Variants in TSHZ3 observed in about 807,000 individuals in gnomAD.
The protein encoded by TSHZ3 is teashirt zinc finger homeobox 3.
In TSHZ3, 10 loss-of-function variants were observed where a neutral mutation model predicts 64.5. The ratio of observed to expected loss-of-function variants is 0.16; its 90% CI spans 0.10 to 0.26. The LOEUF (loss-of-function observed/expected upper bound fraction) is 0.26. Ranked by LOEUF, TSHZ3 falls within the 10% of genes least tolerant of loss-of-function variation. TSHZ3 has a pLI of 1.00. For synonymous variants in TSHZ3, 608 were observed against 593.1 expected, an observed-to-expected ratio of 1.03 and a Z score of -0.36; for missense variants, 1,242 against 1,421.7, an observed-to-expected ratio of 0.87 and a Z score of 2.03.
rs1234712743 is a variant in TSHZ3, at chr19:31,280,442, A to G, written c.41-690T>C. ...GGGTTCGTTCCAGTTGAGAGGAAAT[A>G]CCCTGACCAGCTACCACCCAGCCCC... On this transcript the variant is annotated intron_variant, in intron 1 of 1. Coordinates refer to ENST00000240587, the MANE Select transcript of TSHZ3 (RefSeq NM_020856.4). 3.9e-5 allele frequency among the ~76,000 whole-genome samples: 6 copies of G among 151,980 alleles called. No individual in the cohort carries two copies. In the South Asian group the frequency reaches 1.2e-3, roughly 32 times the overall value.
intron 5 of TSHZ3, among the ~76,000 whole-genome samples, chr19:31,199,630 G>A (rs369908288): frequency 1.3e-5 from 2 of 149,680 alleles, no homozygotes; most frequent in Admixed American, 6.7e-5. Context: ...GATACCACAG[G>A]AGAAAATCGA....
At chr19:31,349,603 C>CT (rs2021642619), upstream of TSHZ3, 1 of 123,422 alleles carries the variant, frequency 8.1e-6, no homozygotes, top group Non-Finnish European at 1.7e-5. Flanking sequence ...AGCGGCGGCC[C>CT]TGCCCCCCCC....
chr19:31,236,673 A>G (rs1257471742), intron 3 of TSHZ3, among the ~76,000 whole-genome samples: 1 of 152,230 alleles, frequency 6.6e-6, no homozygotes, highest in African/African-American at 2.4e-5. Context: ...TAAACTAAAA[A>G]TGAATTAAAG....
intron 5 of TSHZ3, among the ~76,000 whole-genome samples, chr19:31,192,639 C>CT (rs1974927931): frequency 6.6e-6 from 1 of 152,136 alleles, no homozygotes; most frequent in South Asian, 2.1e-4. Context: ...TATCATCCAA[C>CT]ATTGTTTTGG....
intron 5 of TSHZ3, among the ~76,000 whole-genome samples, chr19:31,156,635 C>T (rs1220374538): frequency 6.6e-6 from 1 of 152,112 alleles, no homozygotes; most frequent in Non-Finnish European, 1.5e-5. Flanking sequence ...TGTTATAAGA[C>T]CAGGAAATTG....
intron 1 of TSHZ3, among the ~76,000 whole-genome samples, chr19:31,290,902 A>G (rs2145129515): frequency 6.6e-6 from 1 of 152,232 alleles, no homozygotes; most frequent in Non-Finnish European, 1.5e-5. Context: ...CCCACTAGCA[A>G]GGTCAGGAAT....
intron 1 of TSHZ3, among the ~76,000 whole-genome samples, chr19:31,338,627 A>G (rs1917327603): frequency 6.9e-6 from 1 of 144,440 alleles, no homozygotes; most frequent in Non-Finnish European, 1.5e-5. Flanking sequence ...AAAAAATCAG[A>G]CAAGGGTTCT....
At chr19:31,345,957 A>T (rs2145203367) in intron 1 of TSHZ3, among the ~76,000 whole-genome samples, 1 of 152,192 alleles carries the variant, frequency 6.6e-6, no homozygotes, top group East Asian at 1.9e-4. Context: ...GCACAAATGC[A>T]CACCCCCTGG....
chr19:31,279,054 C>T lies in TSHZ3; in HGVS notation c.739G>A (p.Asp247Asn), dbSNP rs143883315. Residue 247 changes from aspartate (D) to asparagine (N), a missense_variant, in exon 2 of 2, where the codon GAT becomes AAT. Physicochemically the swap from Asp to Asn is conservative, Grantham distance 23 (BLOSUM62 1). Transcript: ENST00000240587. The surrounding 1 kb of genome is among the most constrained non-coding windows in gnomAD (Gnocchi z 6.4). ...GHYRDDNHET[D>N]NNNPKRWSKP... ...GACCAGCGCTTGGGGTTGTTGTTAT[C>T]GGTCTCATGGTTGTCGTCGCGGTAA... is the stretch of plus-strand genomic sequence containing the variant. 1.2e-5 allele frequency: 19 copies of T among 1,613,952 alleles called. No individual in the cohort carries two copies. Among genetic ancestry groups the T allele is most frequent in the East Asian group, 2.2e-5 (1 of 44,870 alleles).
At chr19:31,152,283 C>CGTGTGTGTGTGT (rs3064806) in intron 6 of TSHZ3, among the ~76,000 whole-genome samples, 1 of 147,300 alleles carries the variant, frequency 6.8e-6, no homozygotes, top group Non-Finnish European at 1.5e-5. Context: ...TATATGTGAG[C>CGTGTGTGTGTGT]GTGTGTGTGT....
rs556650300 is a variant in TSHZ3 at position 31,335,886 on chromosome 19, C to T, written c.40+13294G>A. Among the ~76,000 whole-genome samples, 102 of 152,350 alleles carry T rather than the reference C, an allele frequency of 6.7e-4. 1 individual carries two copies. The highest frequency in any genetic ancestry group is 3.4e-3 in the Middle Eastern group (1 of 294). On this transcript the variant is annotated intron_variant, in intron 1 of 1. Coordinates refer to ENST00000240587, the MANE Select transcript of TSHZ3 (RefSeq NM_020856.4). ...ACGTCACACCATGAGGTGCAGCCACCTGAGATTCCTCTGGGACTCTTGGCA... is the reference window on the plus strand; with the variant it reads ...ACGTCACACCATGAGGTGCAGCCACTTGAGATTCCTCTGGGACTCTTGGCA...
exon 7 of TSHZ3, among the ~76,000 whole-genome samples, chr19:31,150,699 G>C (rs915454219): frequency 1.3e-5 from 2 of 152,160 alleles, no homozygotes; most frequent in Admixed American, 6.5e-5. Flanking sequence ...GGGCCCTGCT[G>C]TTTGGTAAAA....
At position 31,278,202 on chromosome 19, in the gene TSHZ3, T is replaced by C; in HGVS notation, c.1591A>G (p.Thr531Ala). The C allele has an allele frequency of 3.1e-6, 5 of 1,614,172 alleles. No homozygotes were observed. The highest frequency in any genetic ancestry group is 4.2e-6 in the Non-Finnish European group (5 of 1,180,010). ...DILKSLENTV[T>A]SAINKAQNGT... Reference sequence around the variant, plus strand: ...TTCTGGGCCTTGTTGATTGCGGATGTCACTGTGTTTTCCAAGGATTTGAGG... The same window carrying C: ...TTCTGGGCCTTGTTGATTGCGGATGCCACTGTGTTTTCCAAGGATTTGAGG... Residue 531 changes from threonine to alanine, a missense_variant, in exon 2 of 2, where the codon ACA becomes GCA. Thr to Ala is a moderately conservative substitution (Grantham distance 58, BLOSUM62 0). Around this residue, in one of 4 missense-constraint regions of TSHZ3, gnomAD observed 555 missense variants for 704.0 expected, o/e 0.79. Transcript: ENST00000240587. This position sits in a 1 kb window ranked among gnomAD's most constrained non-coding sequence, Gnocchi z 4.7.
chr19:31,334,941 C>T (rs2145187757), intron 1 of TSHZ3, among the ~76,000 whole-genome samples: 1 of 152,268 alleles, frequency 6.6e-6, no homozygotes, highest in Middle Eastern at 3.4e-3. Flanking sequence ...CCTGCCCTCT[C>T]TCTGTCATGT....
intron 5 of TSHZ3, among the ~76,000 whole-genome samples, chr19:31,190,729 T>C (rs1974891566): frequency 6.6e-6 from 1 of 152,106 alleles, no homozygotes; most frequent in South Asian, 2.1e-4. Context: ...AGAAATCGAC[T>C]CTGAAATGAC....
intron 4 of TSHZ3, among the ~76,000 whole-genome samples, chr19:31,216,323 T>C (rs1975328763): frequency 6.6e-6 from 1 of 152,276 alleles, no homozygotes; most frequent in Non-Finnish European, 1.5e-5. Context: ...GCTCCTGGCC[T>C]CATGAAGACA....
intron 1 of TSHZ3, among the ~76,000 whole-genome samples, chr19:31,342,798 A>T (rs1401476184): frequency 6.6e-6 from 1 of 152,202 alleles, no homozygotes; most frequent in African/African-American, 2.4e-5. Flanking sequence ...CCATTGCTAT[A>T]AACTTGTAAA....
chr19:31,227,563 A>G (rs2145173064), intron 4 of TSHZ3, among the ~76,000 whole-genome samples: 1 of 152,258 alleles, frequency 6.6e-6, no homozygotes, highest in South Asian at 2.1e-4. Flanking sequence ...CAGCAACAGA[A>G]GGGGGAAGAA....
intron 1 of TSHZ3, among the ~76,000 whole-genome samples, chr19:31,252,797 C>T (rs1474625327): frequency 6.6e-6 from 1 of 152,184 alleles, no homozygotes. Context: ...TGGACTAATA[C>T]ATTGGCAAAG....
Sources: gnomAD v4.1 joint callset for allele counts (sites outside exome capture counted in the v4.1 genomes callset) on GRCh38, gnomAD v4.1.1 for gene constraint, gnomAD v4.1.1 regional missense constraint, Gnocchi (gnomAD v3.1) non-coding constraint, MANE v1.5 for transcripts, NCBI Gene and HGNC (gene_info 2026-07-23, HGNC 2026-07-21) for gene names.